Variants in IL4I1 observed in about 807,000 individuals in gnomAD.
IL4I1 encodes interleukin 4 induced 1.
In IL4I1, 24 loss-of-function variants were observed where a neutral mutation model predicts 29.7. That is an observed-to-expected ratio of 0.81 (90% CI 0.59 to 1.14). The LOEUF is 1.14. Among genes scored for constraint, IL4I1 ranks in the 50% most tolerant of loss-of-function variants. The pLI is 0.00. For synonymous variants in IL4I1, 371 were observed against 352.5 expected, an observed-to-expected ratio of 1.05 and a Z score of -0.59; for missense variants, 686 against 785.6, an observed-to-expected ratio of 0.87 and a Z score of 1.52.
Position 49,908,989 on chromosome 19 carries a change from G to A in IL4I1, c.-227-4668C>T, listed in dbSNP as rs767682174. On this transcript the variant is annotated intron_variant, in intron 2 of 9. Coordinates refer to the IL4I1 transcript ENST00000341114. ...TGGTGGTGGCGGTGGCGGTGGCAGC[G>A]GTGGATGTTGTTGTGGAGGTGCCGG... 1.4e-5 allele frequency: 22 copies of A among 1,610,594 alleles called. No individual in the cohort carries two copies. Among genetic ancestry groups the A allele is most frequent in the South Asian group, 8.8e-5 (8 of 90,996 alleles).
chr19:49,900,991 G>A (rs1329911996), upstream of IL4I1, among the ~76,000 whole-genome samples: 1 of 152,218 alleles, frequency 6.6e-6, no homozygotes, highest in African/African-American at 2.4e-5. Flanking sequence ...ATGCTGATGA[G>A]GGCTGCACAG....
intron 5 of IL4I1, among the ~76,000 whole-genome samples, chr19:49,892,241 C>G (rs12460287): frequency 6.6e-6 from 1 of 152,064 alleles, no homozygotes; most frequent in African/African-American, 2.4e-5. Context: ...GCCACCACAC[C>G]TGGCTCATTT....
Position 49,891,172 on chromosome 19 carries a change from G to T in IL4I1, c.637-65C>A. 8.2e-6 allele frequency: 13 copies of T among 1,576,604 alleles called. No homozygotes were observed. In the Admixed American group the frequency reaches 1.4e-4, roughly 18 times the overall value. On this transcript the variant is annotated intron_variant, in intron 6 of 7. Transcript: ENST00000391826. ...GCTGCACCCCTGAGAGAGCCCCTCCGCAGCTGGGCCTCCTGGTCCCATGAC... is the reference window on the plus strand; with the variant it reads ...GCTGCACCCCTGAGAGAGCCCCTCCTCAGCTGGGCCTCCTGGTCCCATGAC...
At chr19:49,925,068 C>T (rs1432890382) in intron 2 of IL4I1, among the ~76,000 whole-genome samples, 1 of 152,010 alleles carries the variant, frequency 6.6e-6, no homozygotes, top group Non-Finnish European at 1.5e-5. Context: ...TCGAGACCAG[C>T]CTGACCAACA....
chr19:49,924,953 C>A (rs1401513288), intron 2 of IL4I1, among the ~76,000 whole-genome samples: 1 of 152,194 alleles, frequency 6.6e-6, no homozygotes, highest in Non-Finnish European at 1.5e-5. Context: ...CTCCTACTGA[C>A]CAAGCTATTA....
At chr19:49,902,874 T>C (rs1166504201) in intron 3 of IL4I1, among the ~76,000 whole-genome samples, 1 of 150,720 alleles carries the variant, frequency 6.6e-6, no homozygotes, top group Non-Finnish European at 1.5e-5. Context: ...CCCAGCACTC[T>C]GGGAGGCCGA....
intron 2 of IL4I1, among the ~76,000 whole-genome samples, chr19:49,916,692 A>G (rs2075632716): frequency 6.6e-6 from 1 of 150,460 alleles, no homozygotes; most frequent in Non-Finnish European, 1.5e-5. Context: ...TCAACCCGGG[A>G]GGCGGAGCTT....
At chr19:49,910,053 G>A (rs1198618673) in intron 2 of IL4I1, among the ~76,000 whole-genome samples, 1 of 152,090 alleles carries the variant, frequency 6.6e-6, no homozygotes, top group Admixed American at 6.5e-5. Context: ...ACAAAAGCAC[G>A]CCCCAGGGGT....
intron 3 of IL4I1, 99 bp downstream of exon 3, chr19:49,895,705 ACATCCCCACCT>A: frequency 1.9e-5 from 9 of 464,334 alleles, no homozygotes; most frequent in East Asian, 1.1e-4. Flanking sequence ...CTCTCCCCCC[ACATCCCCACCT>A]CCACCCCCTC....
At chr19:49,925,682 G>A (rs2075869822) in intron 2 of IL4I1, among the ~76,000 whole-genome samples, 1 of 152,190 alleles carries the variant, frequency 6.6e-6, no homozygotes. Flanking sequence ...GGAAGGAGCA[G>A]AAAGGGCATT....
chr19:49,923,303 C>T (rs1298895071), intron 2 of IL4I1, among the ~76,000 whole-genome samples: 1 of 152,198 alleles, frequency 6.6e-6, no homozygotes, highest in Non-Finnish European at 1.5e-5. Flanking sequence ...AGTTACCCTC[C>T]CTGGCTCCTC....
At chr19:49,903,550 C>G (rs2075288780) in intron 3 of IL4I1, among the ~76,000 whole-genome samples, 1 of 152,170 alleles carries the variant, frequency 6.6e-6, no homozygotes, top group Non-Finnish European at 1.5e-5. Flanking sequence ...GCTTTGCTCC[C>G]TGGGAGGTTC....
chr19:49,925,959 C>G (rs1189208463), intron 2 of IL4I1, among the ~76,000 whole-genome samples: 1 of 151,946 alleles, frequency 6.6e-6, no homozygotes, highest in African/African-American at 2.4e-5. Flanking sequence ...ACCTGTAATC[C>G]CAGCACTTTG....
At chr19:49,891,375 C>A (rs747909559) in intron 6 of IL4I1, 30 bp downstream of exon 6, 7 of 1,608,016 alleles carry the variant, frequency 4.4e-6, no homozygotes, top group Middle Eastern at 1.6e-4. Context: ...CTTTGCCCTG[C>A]ATCTCAGCAG....
chr19:49,922,531 A>G (rs2075790516), intron 2 of IL4I1, among the ~76,000 whole-genome samples: 1 of 151,672 alleles, frequency 6.6e-6, no homozygotes, highest in Admixed American at 6.6e-5. Context: ...CAATCCTCGG[A>G]GACTCTTGGA....
At chr19:49,915,810 G>C (rs1464352664) in intron 2 of IL4I1, among the ~76,000 whole-genome samples, 3 of 152,222 alleles carry the variant, frequency 2.0e-5, no homozygotes, top group Non-Finnish European at 4.4e-5. Flanking sequence ...AACCCTGCCA[G>C]GACTGTGGAT....
chr19:49,901,498 T>C (rs987316018), upstream of IL4I1: 5 of 496,672 alleles, frequency 1.0e-5, no homozygotes, highest in Non-Finnish European at 1.7e-5. Context: ...AGGCCCAGAT[T>C]GGGGAAGGGA....
rs767318321 is a variant in IL4I1 at position 49,890,513 on chromosome 19, C to T, written c.861G>A (p.Val287=). 2 of 1,610,178 alleles carry T rather than the reference C, an allele frequency of 1.2e-6. No homozygotes were observed. The highest frequency in any genetic ancestry group is 1.7e-6 in the Non-Finnish European group (2 of 1,179,558). Residue 287 remains valine (V), a synonymous_variant, in exon 8 of 8, where the codon GTG becomes GTA. Transcript: ENST00000391826. ...CGTGCGGTCCCTGGGTCATCGCCAC[C>T]ACGGGCGCGTTCAACAGCACAAGCC... ...LSGLVLLNAP[V]VAMTQGPHDV...
intron 2 of IL4I1, among the ~76,000 whole-genome samples, chr19:49,924,119 C>G (rs1017718835): frequency 1.3e-5 from 2 of 150,936 alleles, no homozygotes; most frequent in Admixed American, 6.6e-5. Flanking sequence ...AGGGTCAGGG[C>G]TTGGAGACCT....
Sources: gnomAD v4.1 joint callset for allele counts (sites outside exome capture counted in the v4.1 genomes callset) on GRCh38, gnomAD v4.1.1 for gene constraint, MANE v1.5 for transcripts, NCBI Gene and HGNC (gene_info 2026-07-23, HGNC 2026-07-21) for gene names.